Variants in PAPPA observed in about 807,000 individuals in gnomAD.
The protein encoded by PAPPA is pappalysin 1.
A neutral mutation model predicts 164.0 loss-of-function variants in PAPPA; 60 were observed. The ratio of observed to expected loss-of-function variants is 0.37; its 90% CI spans 0.30 to 0.45. The LOEUF (loss-of-function observed/expected upper bound fraction) is 0.45. PAPPA is among the 20% of genes least tolerant of loss of function. PAPPA has a pLI of 1.00. For missense variants in PAPPA, 1,782 were observed against 2,087.3 expected (o/e 0.85, Z 2.85); for synonymous variants, 875 against 814.1 (o/e 1.07, Z -1.27).
chr9:116,260,095 A>C (rs1226807864), intron 7 of PAPPA, among the ~76,000 whole-genome samples: 4 of 152,228 alleles, frequency 2.6e-5, no homozygotes, highest in Non-Finnish European at 5.9e-5. Context: ...TGAAACATCT[A>C]TGAAATTTAA....
At chr9:116,244,256 A>C (rs1844770272) in intron 7 of PAPPA, among the ~76,000 whole-genome samples, 1 of 152,182 alleles carries the variant, frequency 6.6e-6, no homozygotes, top group Non-Finnish European at 1.5e-5. Flanking sequence ...AAAATTGCTT[A>C]TATAAACTTT....
At chr9:116,339,407 C>A (rs1846105332) in intron 13 of PAPPA, among the ~76,000 whole-genome samples, 1 of 152,122 alleles carries the variant, frequency 6.6e-6, no homozygotes, top group African/African-American at 2.4e-5. Context: ...GAGCTTGCAT[C>A]ACCTAATCTT....
In PAPPA at chr9:116,218,980, T is replaced by C. The variant is rs531500886; in HGVS notation, c.1919-957T>C. Reference sequence around the variant, plus strand: ...AGCATGGAGTGGGAGATGTTACTACTCATATTTTCAGCATGCACACTACCC... The same window carrying C: ...AGCATGGAGTGGGAGATGTTACTACCCATATTTTCAGCATGCACACTACCC... On this transcript the variant is annotated intron_variant, in intron 4 of 21. Coordinates refer to ENST00000328252, the MANE Select transcript of PAPPA (RefSeq NM_002581.5). 1.4e-4 allele frequency among the ~76,000 whole-genome samples: 21 copies of C among 152,310 alleles called. No individual in the cohort carries two copies. In the East Asian group the frequency reaches 4.1e-3, roughly 29 times the overall value.
intron 17 of PAPPA, among the ~76,000 whole-genome samples, chr9:116,361,299 T>C (rs1564241348): frequency 2.0e-5 from 3 of 152,294 alleles, no homozygotes; most frequent in South Asian, 4.1e-4. Flanking sequence ...AGAGAATATA[T>C]AGCTTGTTCT....
At chr9:116,261,314 T>C (rs1365682266) in intron 7 of PAPPA, among the ~76,000 whole-genome samples, 3 of 152,186 alleles carry the variant, frequency 2.0e-5, no homozygotes, top group Non-Finnish European at 2.9e-5. Flanking sequence ...TGCTATGATA[T>C]AGAAACAATA....
intron 2 of PAPPA, among the ~76,000 whole-genome samples, chr9:116,194,685 G>A (rs998226063): frequency 5.3e-5 from 8 of 152,144 alleles, no homozygotes; most frequent in African/African-American, 1.9e-4. Context: ...CTCAAATGGA[G>A]TCATCTGTGT....
At chr9:116,281,875 C>T (rs141056507) in intron 9 of PAPPA, among the ~76,000 whole-genome samples, 257 of 152,232 alleles carry the variant, frequency 1.7e-3, no homozygotes, top group African/African-American at 6.0e-3. Context: ...CCCAAGGCTA[C>T]GGGAAGGTAG....
Position 116,344,687 on chromosome 9 carries a change from G to C in PAPPA, c.3756G>C (p.Arg1252=). The part of the protein sequence containing the change: ...CRTGYVLQIR[R]DDELIKSQTG... ...CAGGCTACGTGCTCCAGATACGGCG[G>C]GATGATGAGCTGATCAAGAGCCAGG... The change falls in exon 14 of 22, where the codon CGG becomes CGC. Residue 1252 remains arginine, a synonymous_variant. Coordinates refer to ENST00000328252, the MANE Select transcript of PAPPA (RefSeq NM_002581.5). 1 of 1,614,052 alleles carries C rather than the reference G, an allele frequency of 6.2e-7. No individual in the cohort carries two copies. Among genetic ancestry groups the C allele is most frequent in the Non-Finnish European group, 8.5e-7 (1 of 1,179,932 alleles).
At chr9:116,273,341 T>C (rs1449224979) in intron 9 of PAPPA, among the ~76,000 whole-genome samples, 5 of 152,202 alleles carry the variant, frequency 3.3e-5, no homozygotes, top group Admixed American at 1.3e-4. Context: ...CCTGTAATTG[T>C]AAATAAAGAT....
chr9:116,353,792 A>G lies in PAPPA; in HGVS notation c.4346A>G (p.Gln1449Arg). 2.5e-6 allele frequency: 4 copies of G among 1,610,918 alleles called. No homozygotes were observed. The highest frequency in any genetic ancestry group is 2.5e-6 in the Non-Finnish European group (3 of 1,178,086). ...AAGTGTGAAGACAGTGATGCCTCCC[A>G]GGTAAGCCTCCTGGAACTTGAGATT... ...RIKCEDSDAS[Q>R]GLGSNVIHCR... is the part of the protein sequence containing the mutation. Residue 1449 changes from glutamine (Q) to arginine (R), a missense_variant and splice_region_variant, in exon 17 of 22, where the codon CAG becomes CGG. Around this residue, in one of 2 missense-constraint regions of PAPPA, gnomAD observed 1,324 missense variants for 1,656.9 expected, o/e 0.80. Coordinates refer to ENST00000328252, the MANE Select transcript of PAPPA (RefSeq NM_002581.5).
intron 7 of PAPPA, among the ~76,000 whole-genome samples, chr9:116,240,276 C>A (rs975951463): frequency 2.0e-5 from 3 of 152,034 alleles, no homozygotes; most frequent in Non-Finnish European, 4.4e-5. Context: ...TGCTCACAGT[C>A]TATGGGAAAA....
At chr9:116,329,577 T>C (rs927515568) in intron 10 of PAPPA, among the ~76,000 whole-genome samples, 8 of 152,180 alleles carry the variant, frequency 5.3e-5, no homozygotes, top group African/African-American at 1.7e-4. Flanking sequence ...CACCCTGAAT[T>C]TGATGTATAG....
Position 116,271,398 on chromosome 9 carries a change from G to T in PAPPA, c.2935G>T (p.Val979Phe). The change falls in exon 9 of 22, where the codon GTC becomes TTC. Residue 979 changes from valine (V) to phenylalanine (F), a missense_variant. Physicochemically the swap from Val to Phe is conservative, Grantham distance 50. Around this residue, in one of 2 missense-constraint regions of PAPPA, gnomAD observed 1,324 missense variants for 1,656.9 expected, o/e 0.80. Transcript: ENST00000328252. This position sits in a 1 kb window ranked among gnomAD's most constrained non-coding sequence, Gnocchi z 4.2. The stretch of plus-strand genomic sequence containing the variant: ...CTGCTCCCTTTTCTGCCGACAAGAA[G>T]TCTCCTTCAATTGTATTGGTACGTC... ...DGCSLFCRQE[V>F]SFNCIDEPSR... 1.2e-6 allele frequency: 2 copies of T among 1,612,532 alleles called. No individual in the cohort carries two copies. The highest frequency in any genetic ancestry group is 1.7e-6 in the Non-Finnish European group (2 of 1,178,504).
intron 1 of PAPPA, among the ~76,000 whole-genome samples, chr9:116,175,173 C>T (rs765019113): frequency 9.2e-5 from 14 of 152,054 alleles, no homozygotes; most frequent in Admixed American, 2.6e-4. Flanking sequence ...CATCGAGGGC[C>T]AGAAAGTTGA....
At chr9:116,346,764 G>A (rs1010876369) in intron 14 of PAPPA, among the ~76,000 whole-genome samples, 2 of 152,200 alleles carry the variant, frequency 1.3e-5, no homozygotes, top group African/African-American at 2.4e-5. Context: ...TTGGACTCAA[G>A]TCCAACTTAT....
intron 20 of PAPPA, among the ~76,000 whole-genome samples, chr9:116,377,848 T>G (rs1226311307): frequency 2.0e-5 from 3 of 152,086 alleles, no homozygotes; most frequent in South Asian, 2.1e-4. Flanking sequence ...AGAAACATAC[T>G]AAAAAGCATA....
At chr9:116,351,770 G>A (rs148329725) in intron 15 of PAPPA, among the ~76,000 whole-genome samples, 5 of 152,074 alleles carry the variant, frequency 3.3e-5, no homozygotes, top group African/African-American at 7.2e-5. Context: ...AGAAGCACTC[G>A]GTACATAGTA....
chr9:116,230,787 A>G (rs990370188), intron 6 of PAPPA, among the ~76,000 whole-genome samples: 5 of 152,122 alleles, frequency 3.3e-5, no homozygotes, highest in African/African-American at 1.2e-4. Flanking sequence ...TATTTTTGAG[A>G]TATTTGACGC....
At chr9:116,348,557 T>C (rs1042486207) in intron 15 of PAPPA, among the ~76,000 whole-genome samples, 1 of 152,126 alleles carries the variant, frequency 6.6e-6, no homozygotes, top group Non-Finnish European at 1.5e-5. Flanking sequence ...GGTAAATTTG[T>C]GTCATGGAGG....
Sources: gnomAD v4.1 joint callset for allele counts (sites outside exome capture counted in the v4.1 genomes callset) on GRCh38, gnomAD v4.1.1 for gene constraint, gnomAD v4.1.1 regional missense constraint, Gnocchi (gnomAD v3.1) non-coding constraint, MANE v1.5 for transcripts, NCBI Gene and HGNC (gene_info 2026-07-23, HGNC 2026-07-21) for gene names.